The following PHLDB2 variants were observed in gnomAD, a reference collection of about 807,000 sequenced individuals.
The protein encoded by PHLDB2 is pleckstrin homology like domain family B member 2, also known as pleckstrin homology-like domain family B member 2.
Under a neutral mutation model 123.6 loss-of-function variants are expected in PHLDB2, and 71 were observed. The observed-to-expected ratio is 0.57, with a 90% CI of 0.47 to 0.70. PHLDB2 has a LOEUF of 0.70. Among genes scored for constraint, PHLDB2 ranks in the 30% least tolerant of loss-of-function variants. The pLI is 0.00. For missense variants in PHLDB2, 1,446 were observed against 1,519.5 expected (o/e 0.95, Z 0.80); for synonymous variants, 547 against 541.6 (o/e 1.01, Z -0.14).
chr3:111,876,229 G>A (rs1274367637), intron 1 of PHLDB2, among the ~76,000 whole-genome samples: 1 of 152,150 alleles, frequency 6.6e-6, no homozygotes, highest in African/African-American at 2.4e-5. Flanking sequence ...GGAAGGGGGT[G>A]CTAGTGACAG....
chr3:111,849,948 G>C (rs930294949), intron 2 of PHLDB2, among the ~76,000 whole-genome samples: 9 of 151,356 alleles, frequency 5.9e-5, no homozygotes, highest in Admixed American at 6.6e-5. Context: ...TGCAAGCTCC[G>C]CCTCCCGGGT....
chr3:111,948,973 T>G lies in PHLDB2; in HGVS notation c.2529T>G (p.Asn843Lys). 1 of 1,614,064 alleles carries G rather than the reference T, an allele frequency of 6.2e-7. No individual in the cohort carries two copies. The highest frequency in any genetic ancestry group is 2.2e-5 in the East Asian group (1 of 44,874). Reference sequence around the variant, plus strand: ...ATGAGATTAATGAGCCGTGTGGCAATTCCACGAATCTATCCCCTTCCACTC... The same window carrying G: ...ATGAGATTAATGAGCCGTGTGGCAAGTCCACGAATCTATCCCCTTCCACTC... Reference protein sequence around the residue: ...SVNEINEPCGNSTNLSPSTQF... With the variant: ...SVNEINEPCGKSTNLSPSTQF... Residue 843 changes from asparagine to lysine, a missense_variant, in exon 10 of 18, where the codon AAT (asparagine) becomes AAG (lysine). This residue lies in a region of PHLDB2 where 594 missense variants were observed against 646.0 expected (regional missense o/e 0.92). Transcript: ENST00000431670.
intron 1 of PHLDB2, among the ~76,000 whole-genome samples, chr3:111,883,736 C>T (rs1462072186): frequency 6.6e-6 from 1 of 152,168 alleles, no homozygotes; most frequent in Non-Finnish European, 1.5e-5. Flanking sequence ...GCAGGTGTTC[C>T]TCGAAGGGCC....
chr3:111,758,097 C>T (rs2059928310), intron 1 of PHLDB2, among the ~76,000 whole-genome samples: 1 of 152,098 alleles, frequency 6.6e-6, no homozygotes, highest in African/African-American at 2.4e-5. Flanking sequence ...CTCAGATCTC[C>T]AGCTGCGTGC....
chr3:111,842,211 C>G (rs1348162237), intron 1 of PHLDB2, among the ~76,000 whole-genome samples: 1 of 152,232 alleles, frequency 6.6e-6, no homozygotes, highest in Non-Finnish European at 1.5e-5. Context: ...GCAGTGTTCA[C>G]TTCTTGCCTC....
chr3:111,820,294 G>A (rs1016165649), intron 1 of PHLDB2, among the ~76,000 whole-genome samples: 1 of 152,160 alleles, frequency 6.6e-6, no homozygotes, highest in Non-Finnish European at 1.5e-5. Context: ...AGTTAAAAAC[G>A]AAGTTAAAAT....
chr3:111,896,359 C>A (rs201645051), intron 2 of PHLDB2, among the ~76,000 whole-genome samples: 4 of 26,946 alleles, frequency 1.5e-4, no homozygotes, highest in South Asian at 2.2e-3. Flanking sequence ...TCTTCCCCCG[C>A]CCCGAGACGG....
chr3:111,805,257 C>G (rs2061528140), intron 1 of PHLDB2, among the ~76,000 whole-genome samples: 1 of 151,982 alleles, frequency 6.6e-6, no homozygotes, highest in Admixed American at 6.6e-5. Flanking sequence ...TAATACTACT[C>G]AACAATAAAA....
intron 1 of PHLDB2, among the ~76,000 whole-genome samples, chr3:111,735,022 C>T (rs964377037): frequency 2.0e-5 from 3 of 152,176 alleles, no homozygotes; most frequent in African/African-American, 7.2e-5. Flanking sequence ...TTCTAAATAA[C>T]CCAGATAATC....
At chr3:111,758,602 C>T (rs541772942) in intron 1 of PHLDB2, among the ~76,000 whole-genome samples, 29 of 152,260 alleles carry the variant, frequency 1.9e-4, no homozygotes, top group South Asian at 1.0e-3. Flanking sequence ...GCAGTGTGCG[C>T]GCACCCACTG....
chr3:111,966,818 C>A, intron 14 of PHLDB2, 115 bp downstream of exon 14: 2 of 705,364 alleles, frequency 2.8e-6, no homozygotes, highest in Non-Finnish European at 4.8e-6. Flanking sequence ...ATAAATCACT[C>A]AACCTTTCTC....
chr3:111,907,339 G>T (rs938130418), intron 2 of PHLDB2, among the ~76,000 whole-genome samples: 4 of 152,112 alleles, frequency 2.6e-5, no homozygotes, highest in African/African-American at 7.2e-5. Flanking sequence ...ACACACACGG[G>T]GCAGAGTCCA....
chr3:111,829,144 T>A (rs1159758612), intron 1 of PHLDB2, among the ~76,000 whole-genome samples: 1 of 152,158 alleles, frequency 6.6e-6, no homozygotes, highest in Non-Finnish European at 1.5e-5. Context: ...GCCAACACAC[T>A]AAAATTCTAA....
At chr3:111,956,069 C>T (rs548255585) in intron 12 of PHLDB2, among the ~76,000 whole-genome samples, 3 of 152,266 alleles carry the variant, frequency 2.0e-5, no homozygotes, top group South Asian at 4.1e-4. Context: ...GTGGCATGCA[C>T]CTGTGGTCCC....
At chr3:111,786,285 C>A (rs952874709) in intron 1 of PHLDB2, among the ~76,000 whole-genome samples, 1 of 152,142 alleles carries the variant, frequency 6.6e-6, no homozygotes, top group South Asian at 2.1e-4. Context: ...AAAGTCAATA[C>A]GTGCTTAGCA....
intron 16 of PHLDB2, 33 bp downstream of exon 16, chr3:111,969,942 C>G (rs763281373): frequency 2.5e-6 from 4 of 1,594,114 alleles, no homozygotes; most frequent in African/African-American, 2.7e-5. Flanking sequence ...GCCATATACT[C>G]AAATCAAGAA....
chr3:111,872,228 CTG>C (rs2065373992), intron 1 of PHLDB2, among the ~76,000 whole-genome samples: 2 of 152,238 alleles, frequency 1.3e-5, no homozygotes, highest in African/African-American at 4.8e-5. Context: ...GCCTTTGGGA[CTG>C]TTTTCTTTCC....
intron 5 of PHLDB2, among the ~76,000 whole-genome samples, chr3:111,923,301 C>T (rs1291821708): frequency 6.6e-6 from 1 of 152,196 alleles, no homozygotes; most frequent in Non-Finnish European, 1.5e-5. Context: ...GTACAGGGGA[C>T]AGCTCTTTTC....
At chr3:111,759,985 GAA>G (rs1260089522) in intron 1 of PHLDB2, among the ~76,000 whole-genome samples, 1 of 152,234 alleles carries the variant, frequency 6.6e-6, no homozygotes, top group Non-Finnish European at 1.5e-5. Flanking sequence ...AAAGCCATGT[GAA>G]GTTTCTGTGT....
Sources: gnomAD v4.1 joint callset for allele counts (sites outside exome capture counted in the v4.1 genomes callset) on GRCh38, gnomAD v4.1.1 for gene constraint, gnomAD v4.1.1 regional missense constraint, MANE v1.5 for transcripts, NCBI Gene and HGNC (gene_info 2026-07-23, HGNC 2026-07-21) for gene names.